CDH18: variants seen among roughly 807,000 people sequenced by gnomAD.
CDH18 encodes the protein cadherin-18.
CDH18 carries 31 observed loss-of-function variants against 67.9 expected under a neutral mutation model. The observed-to-expected ratio is 0.46, with a 90% CI of 0.34 to 0.62. The LOEUF is 0.62. Ranked by LOEUF, CDH18 falls within the 20% of genes least tolerant of loss-of-function variation. The pLI is 0.01. For missense variants in CDH18, 890 were observed against 975.5 expected (o/e 0.91, Z 1.17); for synonymous variants, 362 against 347.2 (o/e 1.04, Z -0.48).
At chr5:20,159,976 AC>A (rs1751847732) in intron 2 of CDH18, among the ~76,000 whole-genome samples, 2 of 152,332 alleles carry the variant, frequency 1.3e-5, no homozygotes, top group South Asian at 2.1e-4. Context: ...CAGTGAGATA[AC>A]AAATAAACAC....
chr5:19,861,479 T>C (rs1784904383), intron 2 of CDH18, among the ~76,000 whole-genome samples: 1 of 152,120 alleles, frequency 6.6e-6, no homozygotes, highest in Non-Finnish European at 1.5e-5. Flanking sequence ...GCTTTGGTTT[T>C]GTGTGGGATG....
At chr5:20,439,025 C>A (rs544730544) in intron 1 of CDH18, among the ~76,000 whole-genome samples, 1 of 151,476 alleles carries the variant, frequency 6.6e-6, no homozygotes, top group African/African-American at 2.4e-5. Flanking sequence ...ATCAATAAAA[C>A]CCTTGATTGC....
intron 2 of CDH18, among the ~76,000 whole-genome samples, chr5:19,867,804 T>C (rs1051029624): frequency 1.3e-5 from 2 of 152,238 alleles, no homozygotes; most frequent in African/African-American, 2.4e-5. Flanking sequence ...CCTATTGATA[T>C]GGTTTGGCTG....
intron 3 of CDH18, among the ~76,000 whole-genome samples, chr5:19,766,747 T>A (rs1206765699): frequency 2.0e-5 from 3 of 152,122 alleles, no homozygotes; most frequent in Non-Finnish European, 4.4e-5. Context: ...CCACATCTAA[T>A]CCCCTTCAAA....
At chr5:19,886,135 T>A (rs561823023) in intron 2 of CDH18, 1 of 152,318 alleles carries the variant, frequency 6.6e-6, no homozygotes, top group South Asian at 2.1e-4. Flanking sequence ...CATCTCTAAT[T>A]ATCACACCAC....
rs75840524 is a variant in CDH18 at position 20,156,995 on chromosome 5, C to T, written c.-518+98449G>A. ...GCCTGGAATGGAGGCTAGTTCCAACCCTGTATATAATCGTTTTTTGACCTG... is the reference window on the plus strand; with the variant it reads ...GCCTGGAATGGAGGCTAGTTCCAACTCTGTATATAATCGTTTTTTGACCTG... On this transcript the variant is annotated intron_variant, in intron 2 of 14. Coordinates refer to the CDH18 transcript ENST00000507958. 5.8e-3 allele frequency among the ~76,000 whole-genome samples: 876 copies of T among 152,188 alleles called. 8 individuals are homozygous for T. Among genetic ancestry groups the T allele is most frequent in the African/African-American group, 0.02 (840 of 41,524 alleles).
chr5:19,782,514 A>G (rs187308824), intron 3 of CDH18, among the ~76,000 whole-genome samples: 1 of 152,202 alleles, frequency 6.6e-6, no homozygotes, highest in East Asian at 1.9e-4. Flanking sequence ...GTGGATTGTG[A>G]TGTGGAGAAA....
chr5:19,575,618 G>T (rs72737478), intron 7 of CDH18, among the ~76,000 whole-genome samples: 28,098 of 152,146 alleles, frequency 0.18, 2,995 homozygotes, highest in East Asian at 0.37. Context: ...GCTGAGAAAT[G>T]AAGCTGCTTA....
At chr5:20,448,938 A>G (rs1423949058) in intron 1 of CDH18, among the ~76,000 whole-genome samples, 3 of 152,118 alleles carry the variant, frequency 2.0e-5, no homozygotes, top group Admixed American at 6.6e-5. Flanking sequence ...AGCTATCTTG[A>G]GAACTTGAGT....
chr5:20,172,218 A>ATATATATACGTATATATATATATACG (rs1736841585), intron 2 of CDH18, among the ~76,000 whole-genome samples: 1 of 80,744 alleles, frequency 1.2e-5, no homozygotes, highest in Non-Finnish European at 2.3e-5. Context: ...ATATATATAT[A>ATATATATACGTATATATATATATACG]TATATGTATA....
chr5:19,996,802 C>G (rs1736057910), intron 2 of CDH18, among the ~76,000 whole-genome samples: 1 of 152,066 alleles, frequency 6.6e-6, no homozygotes, highest in East Asian at 1.9e-4. Flanking sequence ...AGGGGATACA[C>G]TAGAAAATTC....
chr5:20,429,043 C>G (rs1244522181), intron 1 of CDH18, among the ~76,000 whole-genome samples: 1 of 151,338 alleles, frequency 6.6e-6, no homozygotes, highest in Non-Finnish European at 1.5e-5. Context: ...TAAAAGAGCA[C>G]AAACACTCGT....
intron 3 of CDH18, among the ~76,000 whole-genome samples, chr5:19,811,150 GAA>G (rs1491379140): frequency 8.0e-4 from 29 of 36,380 alleles, no homozygotes; most frequent in African/African-American, 1.9e-3. Context: ...AAGAAAGAAA[GAA>G]AGAAAGAAGG....
chr5:19,653,236 G>T lies in CDH18; in HGVS notation c.644-40635C>A, dbSNP rs570544380. Among the ~76,000 whole-genome samples, 5 of 152,062 alleles carry T rather than the reference G, an allele frequency of 3.3e-5. No homozygotes were observed. The South Asian group carries it at 1.0e-3, about 32-fold the overall frequency. On this transcript the variant is annotated intron_variant, in intron 5 of 12. Coordinates refer to ENST00000382275, the MANE Select transcript of CDH18 (RefSeq NM_004934.5). ...TTAGGGATTAAAAGTTCTGAACCAG[G>T]GTAGTCATTGCATAGCAACAATCGA...
chr5:20,509,782 C>T (rs1754913728), intron 1 of CDH18, among the ~76,000 whole-genome samples: 1 of 152,028 alleles, frequency 6.6e-6, no homozygotes, highest in Admixed American at 6.6e-5. Flanking sequence ...TTTATTTATC[C>T]AATCATCTAT....
chr5:19,937,841 G>A (rs1044329941), intron 2 of CDH18, among the ~76,000 whole-genome samples: 1 of 150,248 alleles, frequency 6.7e-6, no homozygotes, highest in Non-Finnish European at 1.5e-5. Flanking sequence ...ATATAATAAA[G>A]GGCTAGACTG....
At chr5:19,882,572 G>C (rs925967567) in intron 2 of CDH18, among the ~76,000 whole-genome samples, 1 of 151,940 alleles carries the variant, frequency 6.6e-6, no homozygotes, top group Non-Finnish European at 1.5e-5. Context: ...AAATACTAAG[G>C]ACAAAGGTTC....
chr5:19,968,139 G>A (rs1183945530), intron 2 of CDH18, among the ~76,000 whole-genome samples: 3 of 152,000 alleles, frequency 2.0e-5, no homozygotes, highest in Non-Finnish European at 4.4e-5. Context: ...TACAAGGGAC[G>A]TGAAGGACCT....
intron 2 of CDH18, among the ~76,000 whole-genome samples, chr5:19,944,012 A>C (rs1213397378): frequency 2.0e-5 from 3 of 152,128 alleles, no homozygotes; most frequent in Admixed American, 6.6e-5. Flanking sequence ...AATTCAACCA[A>C]TAAGATGAAA....
Sources: allele counts gnomAD v4.1 joint callset (sites outside exome capture counted in the v4.1 genomes callset), GRCh38; gene constraint gnomAD v4.1.1; transcripts MANE v1.5; gene names NCBI Gene and HGNC (gene_info 2026-07-23, HGNC 2026-07-21).